SMPD4: variants seen among roughly 807,000 people sequenced by gnomAD.
The protein encoded by SMPD4 is sphingomyelin phosphodiesterase 4.
In SMPD4, 58 loss-of-function variants were observed where a neutral mutation model predicts 97.8. That is an observed-to-expected ratio of 0.59 (90% CI 0.48 to 0.74). The LOEUF (loss-of-function observed/expected upper bound fraction) is 0.74, where lower values mean the gene tolerates loss of function less well. Ranked by LOEUF, SMPD4 falls within the 30% of genes least tolerant of loss-of-function variation. The probability of loss-of-function intolerance (pLI) is 0.00; values close to 1 mark genes in which losing one functional copy is unlikely to be tolerated. For synonymous variants in SMPD4, 388 were observed against 450.0 expected (o/e 0.86, Z 1.74); for missense variants, 853 against 1,080.5 (o/e 0.79, Z 2.95).
intron 10 of SMPD4, among the ~76,000 whole-genome samples, chr2:130,163,925 G>A (rs1209080409): frequency 6.6e-6 from 1 of 152,228 alleles, no homozygotes; most frequent in Admixed American, 6.5e-5. Context: ...TCATGCTCTG[G>A]AGAAGGTGGG....
chr2:130,179,358 T>A (rs1277635577), intron 1 of SMPD4, among the ~76,000 whole-genome samples: 3 of 152,106 alleles, frequency 2.0e-5, no homozygotes, highest in African/African-American at 4.8e-5. Context: ...CCTGACCTCG[T>A]GATCCGCCTG....
intron 16 of SMPD4, 123 bp downstream of exon 16, chr2:130,154,154 G>A: frequency 2.4e-6 from 3 of 1,251,290 alleles, no homozygotes; most frequent in Non-Finnish European, 3.3e-6. Context: ...AACGGGGGAA[G>A]GAGATATGGC....
In SMPD4 at chr2:130,181,560, A is replaced by G. The variant is rs754386345; in HGVS notation, c.-76T>C. The G allele has an allele frequency of 6.2e-7, 1 of 1,606,686 alleles. No homozygotes were observed. The highest frequency in any genetic ancestry group is 8.5e-7 in the Non-Finnish European group (1 of 1,177,642). ...GGATCCATAGCGTCGCTCGCCTCAG[A>G]GATGGAAGCCGCCATTCCGCCACGG... On this transcript the variant is annotated 5_prime_UTR_variant, in exon 1 of 20. Coordinates refer to ENST00000680298, the MANE Select transcript of SMPD4 (RefSeq NM_017951.5).
chr2:130,161,971 G>A (rs952903883), intron 10 of SMPD4, among the ~76,000 whole-genome samples: 25 of 152,322 alleles, frequency 1.6e-4, no homozygotes, highest in African/African-American at 5.8e-4. Context: ...TGAGGGCGAG[G>A]ACAGGTCCCC....
Position 130,164,428 on chromosome 2 carries a change from C to G in SMPD4, c.810G>C (p.Trp270Cys). The change falls in exon 10 of 20, where the codon TGG (tryptophan) becomes TGC (cysteine). Residue 270 changes from tryptophan (W) to cysteine (C), a missense_variant. By Grantham distance (215) the Trp-to-Cys change is radical (BLOSUM62 -2). This residue lies in a region of SMPD4 where 313 missense variants were observed against 402.2 expected (regional missense o/e 0.78). Transcript: ENST00000680298. ...ETLLQVFVEM[W>C]LHHYSLEMYQ... ...ACATCTCCAAGGAATAGTGATGAAG[C>G]CACATTTCAACAAAAACCTGCAAAA... The G allele has an allele frequency of 1.2e-6, 2 of 1,614,036 alleles. No individual in the cohort carries two copies. The highest frequency in any genetic ancestry group is 2.2e-5 in the East Asian group (1 of 44,872).
intron 8 of SMPD4, among the ~76,000 whole-genome samples, chr2:130,167,851 C>T (rs369103633): frequency 6.6e-6 from 1 of 152,174 alleles, no homozygotes; most frequent in South Asian, 2.1e-4. Flanking sequence ...AGTTAGAGAA[C>T]CACCATTTAG....
intron 3 of SMPD4, 131 bp from the exon 4 acceptor site, chr2:130,173,787 C>A: frequency 8.2e-7 from 1 of 1,224,150 alleles, no homozygotes. Context: ...GGGATCAGCC[C>A]TGCACCCAAA....
intron 1 of SMPD4, chr2:130,181,296 CG>C: frequency 7.1e-7 from 1 of 1,402,342 alleles, no homozygotes; most frequent in South Asian, 1.6e-5. Flanking sequence ...GAACACCTAC[CG>C]GACCGGGACA....
intron 9 of SMPD4, among the ~76,000 whole-genome samples, chr2:130,166,128 G>A (rs180765776): frequency 1.3e-5 from 2 of 152,008 alleles, no homozygotes; most frequent in Admixed American, 6.6e-5. Context: ...TCGAGACATG[G>A]TGAAACCCCA....
Position 130,153,351 on chromosome 2 carries a change from C to G in SMPD4, c.1993G>C (p.Gly665Arg). 6.2e-7 allele frequency: 1 copy of G among 1,613,834 alleles called. No individual in the cohort carries two copies. The highest frequency in any genetic ancestry group is 1.1e-5 in the South Asian group (1 of 91,086). ...QLPDCIVGED[G>R]LILTPLGRYQ... ...CGCCCCAGGGGCGTAAGGATGAGTC[C>G]GTCCTCACCCACGATGCAGTCGGGG... is the stretch of plus-strand genomic sequence containing the variant. The change falls in exon 18 of 20, where the codon GGA becomes CGA. Residue 665 changes from glycine (G) to arginine (R), a missense_variant. Transcript: ENST00000680298.
chr2:130,152,163 G>C lies in SMPD4; in HGVS notation c.*392C>G, dbSNP rs1219848680. ...CACAACCCACTCTGCCAACCTCAAGGCCAGCCAGTGGGGAGGCCAGGCCCA... is the reference window on the plus strand; with the variant it reads ...CACAACCCACTCTGCCAACCTCAAGCCCAGCCAGTGGGGAGGCCAGGCCCA... On this transcript the variant is annotated 3_prime_UTR_variant, in exon 20 of 20. Transcript: ENST00000680298. 1 of 200,302 alleles carries C rather than the reference G, an allele frequency of 5.0e-6. No individual in the cohort carries two copies. The highest frequency in any genetic ancestry group is 1.0e-5 in the Non-Finnish European group (1 of 97,802). The allele number at this position is 200,302 out of a possible 1,614,324, so 12.4% of individuals were successfully genotyped here. A position where few individuals can be genotyped will look rare whatever the true frequency, so the allele number is the denominator to read the frequency against.
intron 11 of SMPD4, 23 bp from the exon 12 acceptor site, chr2:130,157,419 G>C: frequency 6.2e-7 from 1 of 1,610,736 alleles, no homozygotes; most frequent in South Asian, 1.1e-5. Flanking sequence ...GGAGGGGTGA[G>C]GGCCTGGGAA....
intron 3 of SMPD4, among the ~76,000 whole-genome samples, chr2:130,174,050 T>A (rs1688740256): frequency 6.6e-6 from 1 of 152,206 alleles, no homozygotes; most frequent in East Asian, 1.9e-4. Context: ...AGACAAGGTC[T>A]CACTCTGTTG....
intron 11 of SMPD4, among the ~76,000 whole-genome samples, chr2:130,160,340 A>T (rs886498136): frequency 2.0e-5 from 3 of 152,070 alleles, no homozygotes; most frequent in African/African-American, 7.2e-5. Flanking sequence ...TTCTCATCTT[A>T]TGCTCAAATT....
In SMPD4 at chr2:130,154,924, C is replaced by T. The variant is rs112757427; in HGVS notation, c.1453+172G>A. 0.01 allele frequency: 8,858 copies of T among 870,694 alleles called. 505 individuals carry two copies. The African/African-American group carries it at 0.13, about 13-fold the overall frequency. The allele number at this position is 870,694 out of a possible 1,614,324, so 53.9% of individuals were successfully genotyped here. A position where few individuals can be genotyped will look rare whatever the true frequency, so the allele number is the denominator to read the frequency against. ...GGCTGCAGGGCAGGCAGGATCCAGC[C>T]GGTTTCAGACCTCACCACACAGACG... is the stretch of plus-strand genomic sequence containing the variant. On this transcript the variant is annotated intron_variant, in intron 15 of 19. Coordinates refer to ENST00000680298, the MANE Select transcript of SMPD4 (RefSeq NM_017951.5).
At chr2:130,163,638 C>T (rs192636247) in intron 10 of SMPD4, among the ~76,000 whole-genome samples, 1 of 152,386 alleles carries the variant, frequency 6.6e-6, no homozygotes, top group East Asian at 1.9e-4. Flanking sequence ...GGCAAGGGCA[C>T]GGATGGGCAT....
chr2:130,180,856 CCT>C (rs1050955870), intron 1 of SMPD4, among the ~76,000 whole-genome samples: 2 of 152,146 alleles, frequency 1.3e-5, no homozygotes, highest in South Asian at 2.1e-4. Flanking sequence ...CTCCCACACC[CCT>C]GTTATCTGAC....
Position 130,173,666 on chromosome 2 carries a change from T to C in SMPD4, c.127-10A>G, listed in dbSNP as rs1285202678. On this transcript the variant is annotated splice_polypyrimidine_tract_variant and intron_variant, in intron 3 of 19. Coordinates refer to ENST00000680298, the MANE Select transcript of SMPD4 (RefSeq NM_017951.5). ...AGATGGTGTGCAGCTCCTGAAACAA[T>C]GTGTGGTGAAGCCGCGTGCAGGACC... The C allele has an allele frequency of 3.7e-6, 6 of 1,613,816 alleles. No homozygotes were observed. The highest frequency in any genetic ancestry group is 5.1e-6 in the Non-Finnish European group (6 of 1,179,842).
chr2:130,169,645 T>C (rs970203974), intron 8 of SMPD4, among the ~76,000 whole-genome samples: 1 of 151,890 alleles, frequency 6.6e-6, no homozygotes, highest in Non-Finnish European at 1.5e-5. Flanking sequence ...AGCTCATTGC[T>C]CCTGGGCACA....
Sources: gnomAD v4.1 joint callset for allele counts (sites outside exome capture counted in the v4.1 genomes callset) on GRCh38, gnomAD v4.1.1 for gene constraint, gnomAD v4.1.1 regional missense constraint, MANE v1.5 for transcripts, NCBI Gene and HGNC (gene_info 2026-07-23, HGNC 2026-07-21) for gene names.